TSHZ3: variants seen among roughly 807,000 people sequenced by gnomAD.
The protein encoded by TSHZ3 is teashirt homolog 3.
TSHZ3 carries 10 observed loss-of-function variants against 64.5 expected under a neutral mutation model. That is an observed-to-expected ratio of 0.16 (90% CI 0.10 to 0.26). The LOEUF (loss-of-function observed/expected upper bound fraction) is 0.26, where lower values mean the gene tolerates loss of function less well. TSHZ3 is among the 10% of genes least tolerant of loss of function. The probability of loss-of-function intolerance (pLI) is 1.00; values close to 1 mark genes in which losing one functional copy is unlikely to be tolerated. For synonymous variants in TSHZ3, 608 were observed against 593.1 expected (o/e 1.03, Z -0.36); for missense variants, 1,242 against 1,421.7 (o/e 0.87, Z 2.03).
intron 1 of TSHZ3, among the ~76,000 whole-genome samples, chr19:31,339,976 G>A (rs1027627842): frequency 6.6e-6 from 1 of 151,376 alleles, no homozygotes; most frequent in Non-Finnish European, 1.5e-5. Flanking sequence ...TTTTTTAATG[G>A]CAAAGGGCTG....
At chr19:31,223,834 C>T (rs181348314) in intron 4 of TSHZ3, among the ~76,000 whole-genome samples, 118 of 151,994 alleles carry the variant, frequency 7.8e-4, no homozygotes, top group Non-Finnish European at 1.2e-3. Flanking sequence ...CTTGACTGTC[C>T]TAGCTGGAGC....
At chr19:31,185,106 A>AC (rs71832000) in intron 5 of TSHZ3, among the ~76,000 whole-genome samples, 4,336 of 150,048 alleles carry the variant, frequency 0.029, 72 homozygotes, top group African/African-American at 0.046. Context: ...AACAACAACA[A>AC]AAAAAAAAAC....
At chr19:31,229,567 T>C (rs941704581) in intron 3 of TSHZ3, among the ~76,000 whole-genome samples, 3 of 152,242 alleles carry the variant, frequency 2.0e-5, no homozygotes, top group African/African-American at 7.2e-5. Context: ...GTTTATCTGA[T>C]CTTGTAATGG....
chr19:31,235,357 C>A (rs1278590464), intron 3 of TSHZ3, among the ~76,000 whole-genome samples: 1 of 151,548 alleles, frequency 6.6e-6, no homozygotes, highest in Non-Finnish European at 1.5e-5. Flanking sequence ...TTCCCCCCAA[C>A]CCCAACCCCT....
chr19:31,197,957 A>T (rs1003311292), intron 5 of TSHZ3, among the ~76,000 whole-genome samples: 1 of 152,104 alleles, frequency 6.6e-6, no homozygotes, highest in Non-Finnish European at 1.5e-5. Context: ...AGCAGCCCGC[A>T]TTACATTTAT....
At chr19:31,334,414 CT>C (rs893436086) in intron 1 of TSHZ3, among the ~76,000 whole-genome samples, 3 of 152,172 alleles carry the variant, frequency 2.0e-5, no homozygotes, top group African/African-American at 7.2e-5. Context: ...CTTTCAAAAG[CT>C]TTTTGTTAGG....
intron 6 of TSHZ3, among the ~76,000 whole-genome samples, chr19:31,155,295 AC>A (rs1179516013): frequency 6.6e-6 from 1 of 152,076 alleles, no homozygotes; most frequent in African/African-American, 2.4e-5. Flanking sequence ...GCCTTAGATA[AC>A]CCCTTCCGAC....
downstream of TSHZ3, among the ~76,000 whole-genome samples, chr19:31,273,773 T>C (rs539763820): frequency 1.3e-5 from 2 of 151,992 alleles, no homozygotes; most frequent in South Asian, 4.1e-4. Flanking sequence ...TAAAGGTCAG[T>C]AGGACAAAGA....
chr19:31,294,931 AT>A (rs1301536942), intron 1 of TSHZ3, among the ~76,000 whole-genome samples: 2 of 152,170 alleles, frequency 1.3e-5, no homozygotes, highest in Non-Finnish European at 2.9e-5. Context: ...GTGGAGAATA[AT>A]TTTGTAGTAT....
intron 1 of TSHZ3, among the ~76,000 whole-genome samples, chr19:31,280,057 A>T (rs1046193478): frequency 6.6e-6 from 1 of 152,154 alleles, no homozygotes; most frequent in Non-Finnish European, 1.5e-5. Flanking sequence ...AATGAAGCAC[A>T]TTCTGGAGGT....
chr19:31,215,936 A>T (rs547882922), intron 4 of TSHZ3, among the ~76,000 whole-genome samples: 131 of 148,212 alleles, frequency 8.8e-4, no homozygotes, highest in African/African-American at 3.1e-3. Context: ...CAATTGGCTT[A>T]AAAAAACTAT....
chr19:31,315,191 C>A (rs1916567247), intron 1 of TSHZ3, among the ~76,000 whole-genome samples: 1 of 152,246 alleles, frequency 6.6e-6, no homozygotes, highest in African/African-American at 2.4e-5. Context: ...GGAATATGAC[C>A]AATCCAACTT....
chr19:31,179,014 C>T (rs1019739156), intron 5 of TSHZ3, among the ~76,000 whole-genome samples: 1 of 112,090 alleles, frequency 8.9e-6, no homozygotes, highest in Non-Finnish European at 2.0e-5. Flanking sequence ...GCAGAAGGCA[C>T]TGATGATGAT....
chr19:31,273,414 G>A (rs1403226374), downstream of TSHZ3, among the ~76,000 whole-genome samples: 1 of 152,184 alleles, frequency 6.6e-6, no homozygotes, highest in Non-Finnish European at 1.5e-5. Flanking sequence ...GGAAAGCCCA[G>A]AAGATGATCC....
intron 5 of TSHZ3, chr19:31,195,573 TTTA>T: frequency 6.6e-6 from 1 of 151,960 alleles, no homozygotes; most frequent in Non-Finnish European, 1.5e-5. Flanking sequence ...TATTTATTTA[TTTA>T]TTTTTGCCAG....
At chr19:31,306,846 T>A (rs945949716) in intron 1 of TSHZ3, among the ~76,000 whole-genome samples, 1 of 152,224 alleles carries the variant, frequency 6.6e-6, no homozygotes, top group Non-Finnish European at 1.5e-5. Context: ...GCTAGTATAC[T>A]CATTTCAATG....
chr19:31,349,721 C>G (rs1179174696), upstream of TSHZ3, among the ~76,000 whole-genome samples: 6 of 147,564 alleles, frequency 4.1e-5, 1 homozygote, highest in Admixed American at 1.3e-4. Flanking sequence ...CGGTACTGCC[C>G]CGGCCCCCGC....
intron 1 of TSHZ3, among the ~76,000 whole-genome samples, chr19:31,255,764 T>C (rs1411291115): frequency 6.6e-6 from 1 of 152,160 alleles, no homozygotes; most frequent in African/African-American, 2.4e-5. Flanking sequence ...GAATGGGGAA[T>C]CCCTTGTCCT....
intron 1 of TSHZ3, among the ~76,000 whole-genome samples, chr19:31,347,697 G>A (rs1219403933): frequency 6.6e-6 from 1 of 152,178 alleles, no homozygotes; most frequent in East Asian, 1.9e-4. Flanking sequence ...GGGCAACACC[G>A]AGGACAGAGA....
Sources: gnomAD v4.1 joint callset for allele counts (sites outside exome capture counted in the v4.1 genomes callset) on GRCh38, gnomAD v4.1.1 for gene constraint, MANE v1.5 for transcripts, NCBI Gene and HGNC (gene_info 2026-07-23, HGNC 2026-07-21) for gene names.